Variants in MLLT3 observed in about 807,000 individuals in gnomAD.
The protein encoded by MLLT3 is MLLT3 super elongation complex subunit, also known as protein AF-9.
In MLLT3, 4 loss-of-function variants were observed where a neutral mutation model predicts 53.2. The observed-to-expected ratio is 0.08, with a 90% CI of 0.04 to 0.17. MLLT3 has a LOEUF of 0.17. Ranked by LOEUF, MLLT3 falls within the 10% of genes least tolerant of loss-of-function variation. The pLI is 1.00. For missense variants in MLLT3, 569 were observed against 684.0 expected, an observed-to-expected ratio of 0.83 and a Z score of 1.87; for synonymous variants, 283 against 230.6, an observed-to-expected ratio of 1.23 and a Z score of -2.06.
chr9:20,481,744 T>C (rs531099140), intron 2 of MLLT3, among the ~76,000 whole-genome samples: 3 of 152,324 alleles, frequency 2.0e-5, no homozygotes, highest in Admixed American at 6.5e-5. Context: ...GAATGGAGCA[T>C]TGGAGAAAAT....
chr9:20,418,420 G>A (rs1304966432), intron 4 of MLLT3: 1 of 152,166 alleles, frequency 6.6e-6, no homozygotes, highest in Non-Finnish European at 1.5e-5. Context: ...CAGAATTCTG[G>A]GGTCAGGGGA....
At chr9:20,519,710 A>C (rs1818010521) in intron 2 of MLLT3, among the ~76,000 whole-genome samples, 1 of 152,234 alleles carries the variant, frequency 6.6e-6, no homozygotes, top group African/African-American at 2.4e-5. Flanking sequence ...GATGCTGGCA[A>C]GGTTGTGGAG....
intron 2 of MLLT3, among the ~76,000 whole-genome samples, chr9:20,603,281 T>C (rs1387242638): frequency 6.6e-6 from 1 of 152,054 alleles, no homozygotes; most frequent in Non-Finnish European, 1.5e-5. Context: ...TAGCCTTCTA[T>C]TTATAACCAG....
intron 5 of MLLT3, among the ~76,000 whole-genome samples, chr9:20,373,198 T>C (rs1168940127): frequency 2.0e-5 from 3 of 152,216 alleles, no homozygotes; most frequent in South Asian, 2.1e-4. Flanking sequence ...GCTGTTCTAA[T>C]GGCAGCTAAT....
intron 2 of MLLT3, among the ~76,000 whole-genome samples, chr9:20,495,539 C>A (rs1035383813): frequency 2.0e-5 from 3 of 152,234 alleles, no homozygotes; most frequent in East Asian, 3.9e-4. Flanking sequence ...TTAAATGTGG[C>A]CTTTCCACAT....
In MLLT3 at chr9:20,621,871, T is replaced by C; in HGVS notation, c.12+374A>G. ...CAGCTCCCGGCGGCGGCGGCTGAAATATGGCTGAGTTATTATTCGCCTCCT... is the reference window on the plus strand; with the variant it reads ...CAGCTCCCGGCGGCGGCGGCTGAAACATGGCTGAGTTATTATTCGCCTCCT... On this transcript the variant is annotated intron_variant, in intron 1 of 10. Transcript: ENST00000380338. This position sits in a 1 kb window ranked among gnomAD's most constrained non-coding sequence, Gnocchi z 7.0. 1 of 1,372,822 alleles carries C rather than the reference T, an allele frequency of 7.3e-7. No homozygotes were observed. The highest frequency in any genetic ancestry group is 9.3e-7 in the Non-Finnish European group (1 of 1,071,760). The allele number at this position is 1,372,822 out of a possible 1,614,324, so 85.0% of individuals were successfully genotyped here.
chr9:20,568,178 T>C (rs886360330), intron 2 of MLLT3, among the ~76,000 whole-genome samples: 8 of 152,142 alleles, frequency 5.3e-5, no homozygotes, highest in African/African-American at 1.9e-4. Flanking sequence ...ATTTGATGTC[T>C]AGGACTGACT....
intron 4 of MLLT3, among the ~76,000 whole-genome samples, chr9:20,439,346 A>G (rs1490087393): frequency 1.3e-5 from 2 of 151,780 alleles, no homozygotes; most frequent in Admixed American, 1.3e-4. Context: ...ACAGAGCAAG[A>G]CTCCATCTCA....
At chr9:20,363,394 C>A in intron 7 of MLLT3, 82 bp downstream of exon 7, 2 of 1,540,082 alleles carry the variant, frequency 1.3e-6, no homozygotes, top group Non-Finnish European at 1.8e-6. Context: ...GTGTTTCACA[C>A]CTTTGCTGTG....
At chr9:20,385,054 A>C (rs967461265) in intron 5 of MLLT3, among the ~76,000 whole-genome samples, 2 of 152,148 alleles carry the variant, frequency 1.3e-5, no homozygotes, top group Admixed American at 6.6e-5. Flanking sequence ...GAAAAGTTAC[A>C]AAATATTTTT....
intron 2 of MLLT3, among the ~76,000 whole-genome samples, chr9:20,611,237 G>A (rs193126719): frequency 6.6e-6 from 1 of 152,104 alleles, no homozygotes; most frequent in East Asian, 1.9e-4. Context: ...ACCATCCTTG[G>A]AGGGAGGCAG....
chr9:20,429,746 A>C (rs1239273892), intron 4 of MLLT3, among the ~76,000 whole-genome samples: 4 of 152,194 alleles, frequency 2.6e-5, no homozygotes, highest in Non-Finnish European at 5.9e-5. Context: ...GTTTTTCAAA[A>C]AATGAAAACA....
chr9:20,423,328 A>C (rs1490479246), intron 4 of MLLT3, among the ~76,000 whole-genome samples: 1 of 152,224 alleles, frequency 6.6e-6, no homozygotes, highest in Non-Finnish European at 1.5e-5. Flanking sequence ...AGGCTCAATG[A>C]CTGTAAAAGA....
intron 4 of MLLT3, among the ~76,000 whole-genome samples, chr9:20,422,144 A>C (rs921943393): frequency 6.6e-5 from 10 of 152,190 alleles, no homozygotes; most frequent in Non-Finnish European, 1.3e-4. Context: ...GGCACTTGAG[A>C]AGCCCAAGAG....
intron 4 of MLLT3, among the ~76,000 whole-genome samples, chr9:20,440,479 C>T (rs1434793671): frequency 2.6e-5 from 4 of 152,052 alleles, no homozygotes; most frequent in Non-Finnish European, 2.9e-5. Context: ...TCATAGCCCC[C>T]GTTCTCCTCC....
chr9:20,371,327 C>T (rs991551364), intron 5 of MLLT3, among the ~76,000 whole-genome samples: 1 of 152,196 alleles, frequency 6.6e-6, no homozygotes, highest in Non-Finnish European at 1.5e-5. Flanking sequence ...TCTATGTAGA[C>T]GAAACAGCCT....
chr9:20,583,778 G>T (rs754086484), intron 2 of MLLT3, among the ~76,000 whole-genome samples: 3 of 152,096 alleles, frequency 2.0e-5, no homozygotes, highest in Non-Finnish European at 4.4e-5. Context: ...GGGACCCTGG[G>T]CCCAGCCCAC....
intron 2 of MLLT3, among the ~76,000 whole-genome samples, chr9:20,490,688 C>T (rs1283112090): frequency 6.6e-6 from 1 of 152,192 alleles, no homozygotes; most frequent in Admixed American, 6.5e-5. Context: ...TCGTTTTAAG[C>T]CACTAAATTT....
In MLLT3 at chr9:20,342,471, T is replaced by C. The variant is rs972231935; in HGVS notation, c.*3972A>G. ...TCACTTAATTTATTTTTGCACTGCA[T>C]GGTAGCTCTGGCCACCATTAAGGAT... On this transcript the variant is annotated 3_prime_UTR_variant, in exon 11 of 11. Coordinates refer to ENST00000380338, the MANE Select transcript of MLLT3 (RefSeq NM_004529.4). 14 of 222,306 alleles carry C rather than the reference T, an allele frequency of 6.3e-5. No individual in the cohort carries two copies. Among genetic ancestry groups the C allele is most frequent in the Non-Finnish European group, 8.1e-5 (9 of 111,300 alleles). The allele number at this position is 222,306 out of a possible 1,614,324, so 13.8% of individuals were successfully genotyped here.
Sources: gnomAD v4.1 joint callset for allele counts (sites outside exome capture counted in the v4.1 genomes callset) on GRCh38, gnomAD v4.1.1 for gene constraint, Gnocchi (gnomAD v3.1) non-coding constraint, MANE v1.5 for transcripts, NCBI Gene and HGNC (gene_info 2026-07-23, HGNC 2026-07-21) for gene names.